The following EDDM13 variants were observed in gnomAD, a reference collection of about 807,000 sequenced individuals.
EDDM13 encodes the protein epididymal protein 13.
Under a neutral mutation model 17.8 loss-of-function variants are expected in EDDM13, and 24 were observed. The observed-to-expected ratio is 1.35, with a 90% CI of 0.98 to 1.90. The LOEUF is 1.90. Ranked by LOEUF, EDDM13 falls within the 40% of genes most tolerant of loss-of-function variation. The probability of loss-of-function intolerance (pLI) is 0.00; values close to 1 mark genes in which losing one functional copy is unlikely to be tolerated. For synonymous variants in EDDM13, 31 were observed against 37.5 expected (o/e 0.83, Z 0.63); for missense variants, 97 against 100.8 (o/e 0.96, Z 0.16).
In EDDM13 at chr19:56,284,206, G is replaced by GGTAA. The variant is rs144123169; in HGVS notation, c.127+4_127+7dup. On this transcript the variant is annotated frameshift_variant and splice_region_variant. Coordinates refer to ENST00000649256, the MANE Select transcript of EDDM13 (RefSeq NM_001354658.2). LOFTEE classifies it high-confidence loss of function. ...GGATGGGCTGCCATCAGGGATCATA[G>GGTAA]GTAAGTACCTTGCCACTTCACAATG... 3.1e-3 allele frequency: 3,072 copies of GGTAA among 985,264 alleles called. 71 individuals are homozygous for GGTAA. In the African/African-American group the frequency reaches 0.05, roughly 16 times the overall value. The allele number at this position is 985,264 out of a possible 1,614,324, so 61.0% of individuals were successfully genotyped here.
chr19:56,305,289 T>C (rs1226193237), intron 14 of EDDM13, among the ~76,000 whole-genome samples: 2 of 152,220 alleles, frequency 1.3e-5, no homozygotes, highest in Non-Finnish European at 2.9e-5. Flanking sequence ...ACTCTCTGTC[T>C]CTGAGAACTC....
At chr19:56,284,284 C>T in intron 5 of EDDM13, 78 bp downstream of exon 5, 1 of 492,650 alleles carries the variant, frequency 2.0e-6, no homozygotes. Flanking sequence ...CTAGAATGTA[C>T]AACTGGGTTA....
chr19:56,282,463 G>C (rs563391056), intron 3 of EDDM13, 28 bp from the exon 4 acceptor site: 82 of 985,146 alleles, frequency 8.3e-5, no homozygotes, highest in Middle Eastern at 5.2e-4. Context: ...CATCGGTCCT[G>C]TCCTTCCTGC....
chr19:56,286,269 C>T (rs2039116137), intron 6 of EDDM13: 1 of 152,148 alleles, frequency 6.6e-6, no homozygotes, highest in Non-Finnish European at 1.5e-5. Flanking sequence ...ATCCTCCTGC[C>T]TCGGCCTCCC....
chr19:56,289,770 T>C (rs532694509), intron 8 of EDDM13, among the ~76,000 whole-genome samples: 1 of 152,230 alleles, frequency 6.6e-6, no homozygotes, highest in Admixed American at 6.5e-5. Context: ...CACACCACCA[T>C]ACCCAGCTAA....
chr19:56,305,094 C>G (rs2040596215), intron 14 of EDDM13, among the ~76,000 whole-genome samples: 1 of 152,150 alleles, frequency 6.6e-6, no homozygotes, highest in Admixed American at 6.5e-5. Flanking sequence ...ATAATTTTTT[C>G]ACAAGTCTTA....
intron 14 of EDDM13, among the ~76,000 whole-genome samples, chr19:56,308,105 C>T (rs1269819450): frequency 2.0e-5 from 3 of 152,390 alleles, no homozygotes; most frequent in African/African-American, 7.2e-5. Context: ...GCAATCTTGG[C>T]TCACTGCAAC....
Position 56,281,691 on chromosome 19 carries a change from A to G in EDDM13, c.104-2A>G. On this transcript the variant is annotated splice_acceptor_variant, in intron 2 of 14. Transcript: ENST00000649256. LOFTEE classifies it high-confidence loss of function. ...GGCTCCTGGCTCTGCTGCCCCTTCC[A>G]GTCAACTGTAAGTCATATCTCCTTC... 1.0e-6 allele frequency: 1 copy of G among 985,348 alleles called. No individual in the cohort carries two copies. The highest frequency in any genetic ancestry group is 1.2e-6 in the Non-Finnish European group (1 of 829,888). The allele number at this position is 985,348 out of a possible 1,614,324, so 61.0% of individuals were successfully genotyped here. A position where few individuals can be genotyped will look rare whatever the true frequency, so the allele number is the denominator to read the frequency against.
At position 56,302,095 on chromosome 19, in the gene EDDM13, G is replaced by A; in HGVS notation, c.423G>A (p.Trp141Ter). Reference sequence around the variant, plus strand: ...TCGTATCCTACAACAAAGGGGACTGGGTAAGAAGAAGGCAGCACGGAGGGG... The same window carrying A: ...TCGTATCCTACAACAAAGGGGACTGAGTAAGAAGAAGGCAGCACGGAGGGG... ...YLFVSYNKGD[W>*]CYCHYCNLEL... Residue 141 changes from tryptophan to a stop codon, truncating the protein, a stop_gained and splice_region_variant, in exon 13 of 15, where the codon TGG becomes TGA. Coordinates refer to ENST00000649256, the MANE Select transcript of EDDM13 (RefSeq NM_001354658.2). LOFTEE classifies it high-confidence loss of function. The A allele has an allele frequency of 8.1e-7, 1 of 1,231,912 alleles. No homozygotes were observed. Among genetic ancestry groups the A allele is most frequent in the South Asian group, 4.1e-5 (1 of 24,320 alleles). The allele number at this position is 1,231,912 out of a possible 1,614,324, so 76.3% of individuals were successfully genotyped here.
At chr19:56,295,658 T>C (rs893542952) in intron 9 of EDDM13, among the ~76,000 whole-genome samples, 1 of 152,134 alleles carries the variant, frequency 6.6e-6, no homozygotes, top group African/African-American at 2.4e-5. Context: ...GGCGGCTTCC[T>C]TCCCAGCCTA....
chr19:56,304,220 G>C (rs1464409784), intron 13 of EDDM13, among the ~76,000 whole-genome samples: 1 of 152,260 alleles, frequency 6.6e-6, no homozygotes, highest in East Asian at 1.9e-4. Context: ...ATGGAGATGA[G>C]AGCCGTGCAG....
Position 56,295,532 on chromosome 19 carries a change from T to G in EDDM13, c.233-427T>G, listed in dbSNP as rs148599256. Reference sequence around the variant, plus strand: ...ATCGCTTGAACCCGGGAGGCAGAAGTTGCAGTGAGCCGAGATCGTCCCACT... The same window carrying G: ...ATCGCTTGAACCCGGGAGGCAGAAGGTGCAGTGAGCCGAGATCGTCCCACT... On this transcript the variant is annotated intron_variant, in intron 9 of 14. Transcript: ENST00000649256. 4.5e-3 allele frequency among the ~76,000 whole-genome samples: 684 copies of G among 152,036 alleles called. 3 individuals carry two copies. Among genetic ancestry groups the G allele is most frequent in the Middle Eastern group, 0.01 (3 of 294 alleles).
intron 2 of EDDM13, among the ~76,000 whole-genome samples, chr19:56,281,452 G>A (rs184047228): frequency 8.0e-4 from 122 of 152,242 alleles, no homozygotes; most frequent in Admixed American, 3.3e-3. Flanking sequence ...TCTAACACTC[G>A]TGCCACTACA....
rs144793879 is a variant in EDDM13, at chr19:56,273,254, G to A, written c.85+335G>A. 6.7e-3 allele frequency among the ~76,000 whole-genome samples: 1,015 copies of A among 152,272 alleles called. 16 individuals carry two copies. Among genetic ancestry groups the A allele is most frequent in the African/African-American group, 0.023 (961 of 41,550 alleles). On this transcript the variant is annotated intron_variant, in intron 1 of 14. Transcript: ENST00000649256. The stretch of plus-strand genomic sequence containing the variant: ...CATGGGACTGTTGCATGTCATTGAC[G>A]AGCTTACGTTGTGCAGTGCCTGGAA...
rs541505907 is a variant in EDDM13, at chr19:56,299,554, T to G, written c.295+2023T>G. Among the ~76,000 whole-genome samples, 3 of 152,220 alleles carry G rather than the reference T, an allele frequency of 2.0e-5. 1 individual carries two copies. The South Asian group carries it at 6.2e-4, about 32-fold the overall frequency. On this transcript the variant is annotated intron_variant, in intron 12 of 14. Transcript: ENST00000649256. ...CAAGCTGTTTAAGGTAAAACACAGT[T>G]GTCCCTCAGTATCCTCAGGGGTTGG... is the stretch of plus-strand genomic sequence containing the variant.
At chr19:56,297,481 TCTC>T (rs752598764) in intron 11 of EDDM13, 21 bp from the exon 12 acceptor site, 5 of 979,104 alleles carry the variant, frequency 5.1e-6, no homozygotes, top group East Asian at 1.1e-4. Flanking sequence ...TGCTTCTTTT[TCTC>T]CTCCATCTCT....
At chr19:56,296,663 T>C (rs975333774) in intron 11 of EDDM13, among the ~76,000 whole-genome samples, 2 of 152,098 alleles carry the variant, frequency 1.3e-5, no homozygotes, top group Non-Finnish European at 2.9e-5. Flanking sequence ...CAAAGAGCAG[T>C]AGTTATAGGT....
chr19:56,273,428 G>A (rs114266586), intron 1 of EDDM13, among the ~76,000 whole-genome samples: 45 of 152,250 alleles, frequency 3.0e-4, no homozygotes, highest in African/African-American at 1.1e-3. Context: ...TTTATTCCTG[G>A]TTCTTTCCAC....
At chr19:56,308,027 CCT>C (rs1324425171) in intron 14 of EDDM13, among the ~76,000 whole-genome samples, 1 of 152,200 alleles carries the variant, frequency 6.6e-6, no homozygotes, top group Non-Finnish European at 1.5e-5. Flanking sequence ...CATTCCATCC[CCT>C]GTCCATATTA....
Sources: allele counts gnomAD v4.1 joint callset (sites outside exome capture counted in the v4.1 genomes callset), GRCh38; gene constraint gnomAD v4.1.1; transcripts MANE v1.5; gene names NCBI Gene and HGNC (gene_info 2026-07-23, HGNC 2026-07-21).